Variants in MAPK9 observed in about 807,000 individuals in gnomAD.
The protein encoded by MAPK9 is mitogen-activated protein kinase 9.
Under a neutral mutation model 57.1 loss-of-function variants are expected in MAPK9, and 30 were observed. The ratio of observed to expected loss-of-function variants is 0.53; its 90% CI spans 0.39 to 0.71. The LOEUF is 0.71. MAPK9 is among the 30% of genes least tolerant of loss of function. MAPK9 has a pLI of 0.00. For missense variants in MAPK9, 362 were observed against 521.0 expected, an observed-to-expected ratio of 0.69 and a Z score of 2.97; for synonymous variants, 155 against 177.0, an observed-to-expected ratio of 0.88 and a Z score of 0.99.
In MAPK9 at chr5:180,252,169, T is replaced by C. The variant is rs185870749; in HGVS notation, c.451-3031A>G. Among the ~76,000 whole-genome samples the C allele has an allele frequency of 2.4e-4, 36 of 152,198 alleles. No individual in the cohort carries two copies. In the East Asian group the frequency reaches 5.6e-3, roughly 24 times the overall value. ...CCATGTTATGGGAGGGTGGGAACGT[T>C]AGCAAAGGCTTAGAGCAAGGCTGTG... On this transcript the variant is annotated intron_variant, in intron 5 of 11. Transcript: ENST00000452135.
chr5:180,247,736 C>T lies in MAPK9; in HGVS notation c.617-226G>A. On this transcript the variant is annotated intron_variant, in intron 6 of 11. Coordinates refer to ENST00000452135, the MANE Select transcript of MAPK9 (RefSeq NM_002752.5). This position sits in a 1 kb window ranked among gnomAD's most constrained non-coding sequence, Gnocchi z 4.5. ...GAGTCCAATACTTTATAGCTTAAAACAAACAAACAAACAAACAAAAAACCA... is the reference window on the plus strand; with the variant it reads ...GAGTCCAATACTTTATAGCTTAAAATAAACAAACAAACAAACAAAAAACCA... The T allele has an allele frequency of 8.9e-7, 1 of 1,128,916 alleles. No homozygotes were observed. The highest frequency in any genetic ancestry group is 1.3e-6 in the Non-Finnish European group (1 of 760,398). The allele number at this position is 1,128,916 out of a possible 1,614,324, so 69.9% of individuals were successfully genotyped here.
intron 1 of MAPK9, among the ~76,000 whole-genome samples, chr5:180,286,148 CT>C (rs554112535): frequency 3.7e-3 from 413 of 111,568 alleles, no homozygotes; most frequent in Middle Eastern, 6.5e-3. Flanking sequence ...TCTTTCTTTT[CT>C]TTTTTTTTTT....
rs925284274 is a variant in MAPK9 at position 180,247,273 on chromosome 5, C to G, written c.688+166G>C. ...TTAAAAATAAAGAATGAAATTGAAC[C>G]ACTTGGCTTGTGACACTAATTAACA... On this transcript the variant is annotated intron_variant, in intron 7 of 11. Coordinates refer to ENST00000452135, the MANE Select transcript of MAPK9 (RefSeq NM_002752.5). The surrounding 1 kb of genome is among the most constrained non-coding windows in gnomAD (Gnocchi z 4.5). 1 of 663,594 alleles carries G rather than the reference C, an allele frequency of 1.5e-6. No individual in the cohort carries two copies. The highest frequency in any genetic ancestry group is 2.8e-5 in the East Asian group (1 of 35,924). The allele number at this position is 663,594 out of a possible 1,614,324, so 41.1% of individuals were successfully genotyped here.
intron 7 of MAPK9, among the ~76,000 whole-genome samples, chr5:180,244,061 C>A (rs1023630869): frequency 6.6e-6 from 1 of 152,152 alleles, no homozygotes; most frequent in Non-Finnish European, 1.5e-5. Context: ...GTTGGCCAGG[C>A]TGGTCTGGAA....
At chr5:180,242,482 C>G in intron 8 of MAPK9, 91 bp downstream of exon 8, 2 of 1,281,540 alleles carry the variant, frequency 1.6e-6, no homozygotes, top group Non-Finnish European at 2.2e-6. Context: ...CTTTCTCTCC[C>G]AAAACACAGG....
At chr5:180,267,634 A>C (rs887259417) in intron 3 of MAPK9, among the ~76,000 whole-genome samples, 3 of 151,974 alleles carry the variant, frequency 2.0e-5, no homozygotes, top group Non-Finnish European at 4.4e-5. Context: ...CTCAAGCCAC[A>C]GACTCAAAAG....
chr5:180,248,849 T>C (rs1758383401), intron 6 of MAPK9, 124 bp downstream of exon 6: 2 of 875,806 alleles, frequency 2.3e-6, no homozygotes, highest in South Asian at 3.3e-5. Flanking sequence ...GATCATGCTA[T>C]ATTCTGGGTG....
intron 2 of MAPK9, among the ~76,000 whole-genome samples, chr5:180,276,303 TAA>T (rs1761813072): frequency 6.6e-6 from 1 of 152,238 alleles, no homozygotes; most frequent in Non-Finnish European, 1.5e-5. Flanking sequence ...GTTAAGGCTG[TAA>T]CTGTTACTTC....
chr5:180,245,175 T>A (rs1293722506), intron 7 of MAPK9, among the ~76,000 whole-genome samples: 1 of 152,168 alleles, frequency 6.6e-6, no homozygotes, highest in Non-Finnish European at 1.5e-5. Context: ...GATCTCTCTA[T>A]CCCAGACCTT....
chr5:180,285,331 A>C (rs1762639903), intron 1 of MAPK9, among the ~76,000 whole-genome samples: 1 of 152,194 alleles, frequency 6.6e-6, no homozygotes, highest in Non-Finnish European at 1.5e-5. Context: ...CCAAAGCACC[A>C]TTCTGATATC....
intron 3 of MAPK9, among the ~76,000 whole-genome samples, chr5:180,267,486 T>C (rs7737376): frequency 0.043 from 5,987 of 140,210 alleles, 381 homozygotes; most frequent in African/African-American, 0.15. Flanking sequence ...GGCGTGAACC[T>C]GGGAGGCGGA....
In MAPK9 at chr5:180,280,504, A is replaced by C; in HGVS notation, c.58T>G (p.Phe20Val). 1 of 1,614,242 alleles carries C rather than the reference A, an allele frequency of 6.2e-7. No homozygotes were observed. Among genetic ancestry groups the C allele is most frequent in the Non-Finnish European group, 8.5e-7 (1 of 1,180,036 alleles). Residue 20 changes from phenylalanine (F) to valine (V), a missense_variant, in exon 2 of 12, where the codon TTC (phenylalanine) becomes GTC (valine). Phe to Val is a conservative substitution (Grantham distance 50). Around this residue, in one of 3 missense-constraint regions of MAPK9, gnomAD observed 36 missense variants for 38.0 expected, o/e 0.95. Transcript: ENST00000452135. Reference sequence around the variant, plus strand: ...TGCTGGTAACGTTTTAGGACAGTGAAGGTTGAGTCTGCCACTTGCACACTA... The same window carrying C: ...TGCTGGTAACGTTTTAGGACAGTGACGGTTGAGTCTGCCACTTGCACACTA... ...FYSVQVADST[F>V]TVLKRYQQLK... is the part of the protein sequence containing the mutation.
intron 10 of MAPK9, among the ~76,000 whole-genome samples, chr5:180,239,403 C>T (rs1757469317): frequency 6.6e-6 from 1 of 152,214 alleles, no homozygotes; most frequent in Non-Finnish European, 1.5e-5. Flanking sequence ...GGGCATGACC[C>T]TCATCAGTGT....
intron 2 of MAPK9, among the ~76,000 whole-genome samples, chr5:180,270,485 A>C (rs1431350553): frequency 6.6e-6 from 1 of 152,238 alleles, no homozygotes; most frequent in Non-Finnish European, 1.5e-5. Context: ...GGATATATCC[A>C]CTTGTGAAAC....
At chr5:180,267,761 G>A (rs1760785276) in intron 3 of MAPK9, among the ~76,000 whole-genome samples, 2 of 152,032 alleles carry the variant, frequency 1.3e-5, no homozygotes, top group Non-Finnish European at 2.9e-5. Flanking sequence ...GCTACTTGGA[G>A]GGCTGAGGTG....
At chr5:180,286,093 T>C (rs1348363921) in intron 1 of MAPK9, among the ~76,000 whole-genome samples, 1 of 134,422 alleles carries the variant, frequency 7.4e-6, no homozygotes, top group Non-Finnish European at 1.6e-5. Context: ...AAAAAAAAAA[T>C]AGTAAAAATT....
chr5:180,279,730 A>T (rs1762140482), intron 2 of MAPK9: 1 of 393,856 alleles, frequency 2.5e-6, no homozygotes, highest in African/African-American at 2.1e-5. Context: ...TGCCCAGAAA[A>T]ATAAGGGGTA....
chr5:180,267,287 T>A (rs748428895), intron 3 of MAPK9, among the ~76,000 whole-genome samples: 3 of 151,784 alleles, frequency 2.0e-5, no homozygotes, highest in Non-Finnish European at 2.9e-5. Flanking sequence ...CAAGTCCGGG[T>A]GCGGTGGCTC....
At chr5:180,267,502 C>T (rs578204050) in intron 3 of MAPK9, among the ~76,000 whole-genome samples, 4 of 140,756 alleles carry the variant, frequency 2.8e-5, no homozygotes, top group South Asian at 2.2e-4. Flanking sequence ...GCGGAGCTTG[C>T]AGTGAGCTGA....
Sources: allele counts gnomAD v4.1 joint callset (sites outside exome capture counted in the v4.1 genomes callset), GRCh38; gene constraint gnomAD v4.1.1; regional missense constraint gnomAD v4.1.1; non-coding constraint Gnocchi (gnomAD v3.1); transcripts MANE v1.5; gene names NCBI Gene and HGNC (gene_info 2026-07-23, HGNC 2026-07-21).